Variants in CNTN3 observed in about 807,000 individuals in gnomAD.
CNTN3 encodes the protein contactin-3.
In CNTN3, 60 loss-of-function variants were observed where a neutral mutation model predicts 119.1. The observed-to-expected ratio is 0.50, with a 90% CI of 0.41 to 0.62. The LOEUF (loss-of-function observed/expected upper bound fraction) is 0.62. CNTN3 is among the 20% of genes least tolerant of loss of function. CNTN3 has a pLI of 0.00. For synonymous variants in CNTN3, 450 were observed against 438.7 expected (o/e 1.03, Z -0.32); for missense variants, 1,101 against 1,242.4 (o/e 0.89, Z 1.71).
chr3:74,566,419 T>C (rs1045175829), intron 1 of CNTN3, among the ~76,000 whole-genome samples: 2 of 152,126 alleles, frequency 1.3e-5, no homozygotes, highest in Admixed American at 6.5e-5. Flanking sequence ...CTCAATGTTA[T>C]AGAGGAGAGA....
chr3:74,347,785 A>G (rs537311880), intron 11 of CNTN3, among the ~76,000 whole-genome samples: 2 of 152,272 alleles, frequency 1.3e-5, no homozygotes, highest in East Asian at 3.9e-4. Context: ...CTCTTGCCCC[A>G]CTAAATCCTT....
At chr3:74,380,631 T>C (rs1400347576) in intron 5 of CNTN3, among the ~76,000 whole-genome samples, 1 of 152,164 alleles carries the variant, frequency 6.6e-6, no homozygotes, top group Non-Finnish European at 1.5e-5. Context: ...CTTTAATGAA[T>C]CCAAACGTAG....
intron 20 of CNTN3, among the ~76,000 whole-genome samples, chr3:74,268,838 CT>C (rs1226925271): frequency 6.6e-6 from 1 of 152,036 alleles, no homozygotes; most frequent in East Asian, 1.9e-4. Flanking sequence ...TGCAGCTGAG[CT>C]ATACTACAGC....
At chr3:74,419,697 C>A (rs1214886546) in intron 5 of CNTN3, among the ~76,000 whole-genome samples, 1 of 152,202 alleles carries the variant, frequency 6.6e-6, no homozygotes, top group Non-Finnish European at 1.5e-5. Flanking sequence ...AACACTGGGA[C>A]AGACTCAAGC....
chr3:74,312,652 C>T (rs549172), intron 13 of CNTN3, among the ~76,000 whole-genome samples: 3 of 151,558 alleles, frequency 2.0e-5, no homozygotes, highest in South Asian at 2.1e-4. Context: ...GTTCATTAGA[C>T]GACTGAGACC....
At chr3:74,437,403 A>T (rs995420105) in intron 4 of CNTN3, among the ~76,000 whole-genome samples, 72 of 152,222 alleles carry the variant, frequency 4.7e-4, no homozygotes, top group African/African-American at 1.7e-3. Flanking sequence ...CAGAGCTTGC[A>T]GTGAGCCGAG....
chr3:74,557,196 A>T (rs1704082419), intron 1 of CNTN3, among the ~76,000 whole-genome samples: 1 of 152,122 alleles, frequency 6.6e-6, no homozygotes, highest in Non-Finnish European at 1.5e-5. Flanking sequence ...TGTCATATCT[A>T]AGAAACCCAT....
chr3:74,319,403 C>A lies in CNTN3; in HGVS notation c.1668+15332G>T, dbSNP rs190999559. ...TGATCTTTGACAAACCTGACAAAAA[C>A]AAGAAATGGGGAAAGGATTCCCTAT... On this transcript the variant is annotated intron_variant, in intron 13 of 22. Transcript: ENST00000263665. Among the ~76,000 whole-genome samples, 1,049 of 152,186 alleles carry A rather than the reference C, an allele frequency of 6.9e-3. 13 individuals are homozygous for A. Among genetic ancestry groups the A allele is most frequent in the African/African-American group, 0.023 (934 of 41,498 alleles).
In CNTN3 at chr3:74,544,893, C is replaced by T. The variant is rs149856380; in HGVS notation, c.-80-23701G>A. Reference sequence around the variant, plus strand: ...GATTACAGGCATGAGCCACCATGCCCGGCCGATGAATCTCTTGCACAATAA... The same window carrying T: ...GATTACAGGCATGAGCCACCATGCCTGGCCGATGAATCTCTTGCACAATAA... On this transcript the variant is annotated intron_variant, in intron 1 of 22. Coordinates refer to ENST00000263665, the MANE Select transcript of CNTN3 (RefSeq NM_020872.3). 7.5e-4 allele frequency among the ~76,000 whole-genome samples: 114 copies of T among 152,212 alleles called. No individual in the cohort carries two copies. In the East Asian group the frequency reaches 0.019, roughly 26 times the overall value.
chr3:74,614,027 T>A (rs2106723418), intron 1 of CNTN3, among the ~76,000 whole-genome samples: 1 of 152,240 alleles, frequency 6.6e-6, no homozygotes, highest in Non-Finnish European at 1.5e-5. Flanking sequence ...ACATTCTGCA[T>A]CATGCACCTG....
At chr3:74,407,144 T>G (rs571610434) in intron 5 of CNTN3, among the ~76,000 whole-genome samples, 1 of 152,132 alleles carries the variant, frequency 6.6e-6, no homozygotes, top group African/African-American at 2.4e-5. Context: ...TATTTTTCTA[T>G]GTAATGCTAA....
intron 5 of CNTN3, among the ~76,000 whole-genome samples, chr3:74,406,911 T>G (rs895092228): frequency 3.9e-5 from 6 of 152,192 alleles, no homozygotes. Context: ...ATGTACTTAC[T>G]AATTCTTTTC....
At chr3:74,315,341 C>A (rs1702803895) in intron 13 of CNTN3, among the ~76,000 whole-genome samples, 1 of 152,116 alleles carries the variant, frequency 6.6e-6, no homozygotes, top group Admixed American at 6.5e-5. Context: ...TATGGAGTAG[C>A]CATTCTTTGT....
At chr3:74,373,352 A>G (rs1559569434) in intron 5 of CNTN3, among the ~76,000 whole-genome samples, 1 of 152,192 alleles carries the variant, frequency 6.6e-6, no homozygotes, top group Non-Finnish European at 1.5e-5. Context: ...ACTTTGCAGT[A>G]AAGGAGGGAA....
intron 1 of CNTN3, among the ~76,000 whole-genome samples, chr3:74,580,202 G>C (rs999802702): frequency 5.9e-5 from 9 of 152,178 alleles, no homozygotes; most frequent in Admixed American, 2.0e-4. Context: ...GCTAGGTAAA[G>C]TAGAACATCA....
chr3:74,532,690 A>G (rs1703710840), intron 1 of CNTN3, among the ~76,000 whole-genome samples: 1 of 151,944 alleles, frequency 6.6e-6, no homozygotes, highest in Non-Finnish European at 1.5e-5. Flanking sequence ...AGATTTCATC[A>G]CACTGCTCGG....
At chr3:74,579,581 C>A (rs1261260491) in intron 1 of CNTN3, among the ~76,000 whole-genome samples, 4 of 152,002 alleles carry the variant, frequency 2.6e-5, no homozygotes, top group Non-Finnish European at 4.4e-5. Context: ...TGTTATGTGA[C>A]AACAAATGCA....
At chr3:74,597,860 A>G (rs1175219571) in intron 1 of CNTN3, among the ~76,000 whole-genome samples, 1 of 152,098 alleles carries the variant, frequency 6.6e-6, no homozygotes, top group Non-Finnish European at 1.5e-5. Flanking sequence ...TAGGAGCTGA[A>G]AAAATTTCTT....
chr3:74,449,535 G>A (rs574293038), intron 4 of CNTN3, among the ~76,000 whole-genome samples: 1 of 152,066 alleles, frequency 6.6e-6, no homozygotes, highest in Non-Finnish European at 1.5e-5. Flanking sequence ...TCTGTAGTTA[G>A]GGAAGGGGTT....
Sources: allele counts gnomAD v4.1 joint callset (sites outside exome capture counted in the v4.1 genomes callset), GRCh38; gene constraint gnomAD v4.1.1; transcripts MANE v1.5; gene names NCBI Gene and HGNC (gene_info 2026-07-23, HGNC 2026-07-21).